NEDD4: variants seen among roughly 807,000 people sequenced by gnomAD.
NEDD4 encodes the protein NEDD4 E3 ubiquitin protein ligase, also known as E3 ubiquitin-protein ligase NEDD4.
A neutral mutation model predicts 144.9 loss-of-function variants in NEDD4; 99 were observed. The observed-to-expected ratio is 0.68, with a 90% CI of 0.58 to 0.81. The LOEUF is 0.81. Among genes scored for constraint, NEDD4 ranks in the 30% least tolerant of loss-of-function variants. The probability of loss-of-function intolerance (pLI) is 0.00; values close to 1 mark genes in which losing one functional copy is unlikely to be tolerated. For missense variants in NEDD4, 985 were observed against 1,065.9 expected, an observed-to-expected ratio of 0.92 and a Z score of 1.06; for synonymous variants, 318 against 350.6, an observed-to-expected ratio of 0.91 and a Z score of 1.04.
chr15:55,981,468 G>T (rs1356575094), intron 1 of NEDD4, among the ~76,000 whole-genome samples: 1 of 151,984 alleles, frequency 6.6e-6, no homozygotes, highest in East Asian at 1.9e-4. Context: ...TCTTCCTCTG[G>T]TATGTAAATT....
chr15:55,893,606 T>C (rs1225963704), intron 5 of NEDD4, among the ~76,000 whole-genome samples: 2 of 151,398 alleles, frequency 1.3e-5, no homozygotes, highest in Non-Finnish European at 2.9e-5. Context: ...TTTGAACACA[T>C]GAAAAGTGGG....
intron 4 of NEDD4, among the ~76,000 whole-genome samples, chr15:55,937,982 T>A (rs1003606110): frequency 6.6e-6 from 1 of 152,072 alleles, no homozygotes; most frequent in Non-Finnish European, 1.5e-5. Flanking sequence ...ATGAAATAGA[T>A]AGCTCAAAAA....
chr15:55,957,233 T>C (rs558401597), intron 2 of NEDD4, among the ~76,000 whole-genome samples: 1 of 152,354 alleles, frequency 6.6e-6, no homozygotes, highest in South Asian at 2.1e-4. Context: ...ACAAACCATG[T>C]TGTCTGCAAA....
At chr15:55,980,793 GGTGT>G (rs148017681) in intron 1 of NEDD4, among the ~76,000 whole-genome samples, 3 of 149,152 alleles carry the variant, frequency 2.0e-5, no homozygotes, top group South Asian at 2.1e-4. Flanking sequence ...TGTGTGTAGG[GGTGT>G]GTGTGTGTGT....
chr15:55,842,308 G>T, intron 18 of NEDD4, 145 bp from the exon 19 acceptor site: 1 of 665,276 alleles, frequency 1.5e-6, no homozygotes, highest in Non-Finnish European at 2.6e-6. Flanking sequence ...AACACAACTA[G>T]GTATATTGTC....
chr15:55,909,625 G>C (rs1180285267), intron 5 of NEDD4, among the ~76,000 whole-genome samples: 1 of 152,132 alleles, frequency 6.6e-6, no homozygotes, highest in Non-Finnish European at 1.5e-5. Flanking sequence ...CAGAGACTCT[G>C]CCAAGCCCCT....
chr15:55,879,594 G>GA (rs1470573825), intron 5 of NEDD4, among the ~76,000 whole-genome samples: 2 of 152,104 alleles, frequency 1.3e-5, no homozygotes, highest in African/African-American at 4.8e-5. Context: ...AGACCTAAAT[G>GA]AAAGACGGGA....
intron 8 of NEDD4, among the ~76,000 whole-genome samples, chr15:55,867,279 A>G (rs1224545871): frequency 6.6e-6 from 1 of 152,188 alleles, no homozygotes; most frequent in African/African-American, 2.4e-5. Flanking sequence ...GCACAGATTC[A>G]TGTGTTTGAA....
chr15:55,947,705 TG>T (rs767359526), intron 4 of NEDD4, among the ~76,000 whole-genome samples: 5 of 152,168 alleles, frequency 3.3e-5, no homozygotes, highest in Non-Finnish European at 5.9e-5. Flanking sequence ...AAAAACCATA[TG>T]ATTATCTCAA....
At chr15:55,947,010 G>C (rs371293287) in intron 4 of NEDD4, among the ~76,000 whole-genome samples, 5 of 152,186 alleles carry the variant, frequency 3.3e-5, no homozygotes, top group African/African-American at 9.7e-5. Flanking sequence ...TTAAAGCAGT[G>C]TGTAGAGGGA....
chr15:55,982,833 A>G (rs1566977951), intron 1 of NEDD4, among the ~76,000 whole-genome samples: 1 of 152,138 alleles, frequency 6.6e-6, no homozygotes, highest in Non-Finnish European at 1.5e-5. Flanking sequence ...AGTAAAATAA[A>G]TTCTAGGGCT....
At chr15:55,892,628 A>T (rs1490630212) in intron 5 of NEDD4, among the ~76,000 whole-genome samples, 2 of 149,678 alleles carry the variant, frequency 1.3e-5, no homozygotes, top group Admixed American at 6.8e-5. Flanking sequence ...ACAAAATCAA[A>T]AAGAAAATGA....
chr15:55,940,547 C>CTCT (rs2036982218), intron 4 of NEDD4, among the ~76,000 whole-genome samples: 6 of 98,896 alleles, frequency 6.1e-5, no homozygotes, highest in South Asian at 3.1e-4. Context: ...TCTCTCTCTG[C>CTCT]CTCTCTGCCT....
intron 9 of NEDD4, among the ~76,000 whole-genome samples, chr15:55,861,085 T>C (rs1369866369): frequency 1.3e-5 from 2 of 152,232 alleles, no homozygotes; most frequent in African/African-American, 4.8e-5. Context: ...GTTGAATGAA[T>C]AAATATCAGA....
rs143883316 is a variant in NEDD4, at chr15:55,939,277, G to C, written c.237+12099C>G. Among the ~76,000 whole-genome samples the C allele has an allele frequency of 1.2e-4, 19 of 152,242 alleles. 1 individual carries two copies. In the East Asian group the frequency reaches 3.7e-3, roughly 29 times the overall value. On this transcript the variant is annotated intron_variant, in intron 4 of 28. Coordinates refer to ENST00000435532, the MANE Select transcript of NEDD4 (RefSeq NM_006154.4). Reference sequence around the variant, plus strand: ...TTTCCCCCATGCTGTTCTCATGACAGTGAGTTCATTCTCTGGAGATCTGAC... The same window carrying C: ...TTTCCCCCATGCTGTTCTCATGACACTGAGTTCATTCTCTGGAGATCTGAC...
At chr15:55,899,071 A>G (rs2142148056) in intron 5 of NEDD4, among the ~76,000 whole-genome samples, 1 of 152,364 alleles carries the variant, frequency 6.6e-6, no homozygotes, top group South Asian at 2.1e-4. Context: ...TTCTCAGTAC[A>G]ATAAACACAC....
intron 5 of NEDD4, among the ~76,000 whole-genome samples, chr15:55,923,342 T>G (rs1191787024): frequency 6.6e-6 from 1 of 152,122 alleles, no homozygotes; most frequent in East Asian, 1.9e-4. Context: ...CATCTGTCAC[T>G]TAGCCTTAAA....
Position 55,916,425 on chromosome 15 carries a change from T to C in NEDD4, c.291+8221A>G. On this transcript the variant is annotated intron_variant, in intron 5 of 28. Transcript: ENST00000435532. ...TGGACTGCTTACAAGGTGACCATCA[T>C]TCACAGCATTCAATTCATTATCGAC... The C allele has an allele frequency of 1.9e-6, 3 of 1,614,038 alleles. No individual in the cohort carries two copies. The highest frequency in any genetic ancestry group is 2.5e-6 in the Non-Finnish European group (3 of 1,179,922).
At chr15:55,861,956 G>GA (rs1466457635) in intron 9 of NEDD4, among the ~76,000 whole-genome samples, 1 of 152,014 alleles carries the variant, frequency 6.6e-6, no homozygotes, top group Non-Finnish European at 1.5e-5. Flanking sequence ...TTGGCTACCT[G>GA]AAAATGACAT....
Sources: gnomAD v4.1 joint callset for allele counts (sites outside exome capture counted in the v4.1 genomes callset) on GRCh38, gnomAD v4.1.1 for gene constraint, MANE v1.5 for transcripts, NCBI Gene and HGNC (gene_info 2026-07-23, HGNC 2026-07-21) for gene names.